The following HLCS variants were observed in gnomAD, a reference collection of about 807,000 sequenced individuals.
HLCS encodes the protein holocarboxylase synthetase, also known as biotin--protein ligase.
Under a neutral mutation model 75.0 loss-of-function variants are expected in HLCS, and 53 were observed. The observed-to-expected ratio is 0.71, with a 90% confidence interval of 0.57 to 0.89. The LOEUF (loss-of-function observed/expected upper bound fraction) is 0.89. HLCS is among the 40% of genes least tolerant of loss of function. The pLI is 0.00. For missense variants in HLCS, 966 were observed against 1,074.0 expected (o/e 0.90, Z 1.41); for synonymous variants, 431 against 428.6 (o/e 1.01, Z -0.07).
intron 2 of HLCS, among the ~76,000 whole-genome samples, chr21:36,941,526 G>A (rs1260440747): frequency 6.6e-6 from 1 of 152,150 alleles, no homozygotes. Flanking sequence ...AACTCAATAA[G>A]GAAATAATAG....
chr21:36,899,934 T>A (rs1048159948), intron 5 of HLCS, among the ~76,000 whole-genome samples: 2 of 151,902 alleles, frequency 1.3e-5, no homozygotes, highest in African/African-American at 4.8e-5. Context: ...CAAAACTCCA[T>A]CTCTACTAAA....
intron 2 of HLCS, among the ~76,000 whole-genome samples, chr21:36,956,499 T>C (rs917404166): frequency 6.6e-6 from 1 of 151,824 alleles, no homozygotes. Context: ...GAGGCCGAGG[T>C]GGGCAAATCA....
chr21:36,979,197 A>G (rs1302657234), intron 1 of HLCS, among the ~76,000 whole-genome samples: 1 of 151,558 alleles, frequency 6.6e-6, no homozygotes, highest in Non-Finnish European at 1.5e-5. Context: ...GCATGAACCC[A>G]GGAGGCGGAG....
chr21:36,893,891 A>T (rs2064899015), intron 6 of HLCS, among the ~76,000 whole-genome samples: 1 of 152,230 alleles, frequency 6.6e-6, no homozygotes, highest in Non-Finnish European at 1.5e-5. Flanking sequence ...ACTGGAAGAG[A>T]ACAGCTGCCA....
At chr21:36,946,485 T>C (rs1601838021) in intron 2 of HLCS, among the ~76,000 whole-genome samples, 1 of 152,156 alleles carries the variant, frequency 6.6e-6, no homozygotes, top group South Asian at 2.1e-4. Flanking sequence ...CAAGCGACCC[T>C]CCTGCCTCAA....
intron 6 of HLCS, among the ~76,000 whole-genome samples, chr21:36,855,536 TAAAAAAAAA>T (rs71901243): frequency 2.6e-5 from 2 of 75,634 alleles, no homozygotes; most frequent in Non-Finnish European, 5.4e-5. Context: ...AGACTCCATC[TAAAAAAAAA>T]AAAAAAAAAA....
At position 36,966,592 on chromosome 21, in the gene HLCS, C is replaced by T; in HGVS notation, c.47G>A (p.Arg16His). The change falls in exon 1 of 11, where the codon CGC (arginine) becomes CAC (histidine). Residue 16 changes from arginine (R) to histidine (H), a missense_variant. Arg to His is a conservative substitution (Grantham distance 29). Coordinates refer to ENST00000674895, the MANE Select transcript of HLCS (RefSeq NM_001352514.2). Reference sequence around the variant, plus strand: ...GGCGCGCACGAGCTCAGCCGGCCGGCGACCCCAGCGCGCCCACAGGTACAG... The same window carrying T: ...GGCGCGCACGAGCTCAGCCGGCCGGTGACCCCAGCGCGCCCACAGGTACAG... Reference protein sequence around the residue: ...CYLYLWARWGRRPAELVRATV... With the variant: ...CYLYLWARWGHRPAELVRATV... 1.0e-6 allele frequency: 1 copy of T among 993,776 alleles called. No individual in the cohort carries two copies. The highest frequency in any genetic ancestry group is 4.5e-5 in the South Asian group (1 of 22,208). 61.6% of individuals were successfully genotyped at this position (993,776 alleles called of 1,614,324 possible). A position where few individuals can be genotyped will look rare whatever the true frequency, so the allele number is the denominator to read the frequency against.
Position 36,765,144 on chromosome 21 carries a change from A to G in HLCS, c.1989T>C (p.Pro663=), listed in dbSNP as rs1601141038. ...GCAGAGTAGAAAGAGCACATCCCACAGGGCTCAGCCACACATTCCCTCCCC... is the reference window on the plus strand; with the variant it reads ...GCAGAGTAGAAAGAGCACATCCCACGGGGCTCAGCCACACATTCCCTCCCC... ...KGRGGNVWLS[P]VGCALSTLLI... is the part of the protein sequence containing the mutation. The change falls in exon 8 of 11, where the codon CCT becomes CCC. Residue 663 remains proline, a synonymous_variant. Coordinates refer to ENST00000674895, the MANE Select transcript of HLCS (RefSeq NM_001352514.2). The G allele has an allele frequency of 6.2e-7, 1 of 1,614,196 alleles. No individual in the cohort carries two copies.
intron 2 of HLCS, among the ~76,000 whole-genome samples, chr21:36,956,554 C>T (rs570917617): frequency 1.3e-5 from 2 of 151,982 alleles, no homozygotes; most frequent in East Asian, 1.9e-4. Context: ...CGGTGAAACC[C>T]CATCTCTACT....
rs538771477 is a variant in HLCS at position 36,891,488 on chromosome 21, A to G, written c.1892+5372T>C. Among the ~76,000 whole-genome samples, 4 of 152,304 alleles carry G rather than the reference A, an allele frequency of 2.6e-5. No individual in the cohort carries two copies. The East Asian group carries it at 7.7e-4, about 29-fold the overall frequency. The stretch of plus-strand genomic sequence containing the variant: ...GTATGCCCCAGAAACAAGGCCTAAA[A>G]ATGCAGCCTGATATGGAGGAGATGG... On this transcript the variant is annotated intron_variant, in intron 6 of 10. Coordinates refer to ENST00000674895, the MANE Select transcript of HLCS (RefSeq NM_001352514.2).
chr21:36,757,855 T>C (rs531455747), intron 9 of HLCS, among the ~76,000 whole-genome samples: 26 of 152,348 alleles, frequency 1.7e-4, no homozygotes, highest in African/African-American at 6.3e-4. Flanking sequence ...TGAACGTTCG[T>C]AAGGCATTAA....
intron 6 of HLCS, among the ~76,000 whole-genome samples, chr21:36,775,566 G>A (rs912200500): frequency 5.3e-5 from 8 of 152,204 alleles, no homozygotes; most frequent in African/African-American, 1.9e-4. Context: ...TGCCTCTGAC[G>A]GCGAGCCTTC....
chr21:36,929,691 G>A (rs1391595150), intron 5 of HLCS, among the ~76,000 whole-genome samples: 1 of 152,118 alleles, frequency 6.6e-6, no homozygotes, highest in Non-Finnish European at 1.5e-5. Flanking sequence ...CCAAGCAGGG[G>A]GATTAGCAAG....
rs185398526 is a variant in HLCS, at chr21:36,924,679, T to C, written c.1620+5572A>G. Among the ~76,000 whole-genome samples, 11 of 152,326 alleles carry C rather than the reference T, an allele frequency of 7.2e-5. No individual in the cohort carries two copies. In the East Asian group the frequency reaches 2.1e-3, roughly 29 times the overall value. ...CCTGCCCTACTTATCAGGGTCACTA[T>C]GAGACCCAAATGAGATGGCGACACA... On this transcript the variant is annotated intron_variant, in intron 5 of 10. Transcript: ENST00000674895.
intron 2 of HLCS, among the ~76,000 whole-genome samples, chr21:36,960,472 C>T (rs1309155301): frequency 6.6e-6 from 1 of 152,194 alleles, no homozygotes; most frequent in East Asian, 1.9e-4. Flanking sequence ...AGAGAACGTA[C>T]TGTCTTAACA....
At chr21:36,815,277 C>T (rs2061628590) in intron 6 of HLCS, among the ~76,000 whole-genome samples, 1 of 152,248 alleles carries the variant, frequency 6.6e-6, no homozygotes, top group Non-Finnish European at 1.5e-5. Context: ...GATCCACCTG[C>T]CTTGGCCCCC....
At chr21:36,897,245 A>T (rs1324697940) in intron 5 of HLCS, 114 bp from the exon 6 acceptor site, 2 of 989,300 alleles carry the variant, frequency 2.0e-6, no homozygotes, top group Non-Finnish European at 3.2e-6. Flanking sequence ...TTCATGACCA[A>T]GAAAAGCTAG....
At chr21:36,811,864 G>A (rs1019555934) in intron 6 of HLCS, among the ~76,000 whole-genome samples, 10 of 152,282 alleles carry the variant, frequency 6.6e-5, no homozygotes, top group East Asian at 1.9e-4. Flanking sequence ...GGGCTGCAGC[G>A]GCTGCTGTGA....
chr21:36,845,324 A>C (rs1255668688), intron 6 of HLCS, among the ~76,000 whole-genome samples: 1 of 152,088 alleles, frequency 6.6e-6, no homozygotes, highest in Non-Finnish European at 1.5e-5. Context: ...CATAATGAAC[A>C]TGGGCAAGTG....
Sources: gnomAD v4.1 joint callset for allele counts (sites outside exome capture counted in the v4.1 genomes callset) on GRCh38, gnomAD v4.1.1 for gene constraint, MANE v1.5 for transcripts, NCBI Gene and HGNC (gene_info 2026-07-23, HGNC 2026-07-21) for gene names.